The following DGCR2 variants were observed in gnomAD, a reference collection of about 807,000 sequenced individuals.
The protein encoded by DGCR2 is integral membrane protein DGCR2/IDD.
In DGCR2, 24 loss-of-function variants were observed where a neutral mutation model predicts 51.6. That is an observed-to-expected ratio of 0.47 (90% CI 0.34 to 0.65). DGCR2 has a LOEUF of 0.65. Among genes scored for constraint, DGCR2 ranks in the 30% least tolerant of loss-of-function variants. DGCR2 has a pLI of 0.01. For synonymous variants in DGCR2, 340 were observed against 315.4 expected, an observed-to-expected ratio of 1.08 and a Z score of -0.82; for missense variants, 765 against 772.1, an observed-to-expected ratio of 0.99 and a Z score of 0.11.
chr22:19,076,303 G>A (rs1601240285), intron 2 of DGCR2, among the ~76,000 whole-genome samples: 1 of 149,954 alleles, frequency 6.7e-6, no homozygotes, highest in Non-Finnish European at 1.5e-5. Flanking sequence ...TGGGATTACA[G>A]GCATGCATCA....
chr22:19,051,770 T>C (rs865791311), intron 6 of DGCR2, among the ~76,000 whole-genome samples: 3 of 152,182 alleles, frequency 2.0e-5, no homozygotes, highest in South Asian at 4.1e-4. Flanking sequence ...GGAAGAATAA[T>C]GTGAACAACA....
At chr22:19,074,695 AT>A (rs1207254887) in intron 2 of DGCR2, among the ~76,000 whole-genome samples, 4 of 152,260 alleles carry the variant, frequency 2.6e-5, no homozygotes, top group African/African-American at 9.6e-5. Flanking sequence ...GACTTACAGA[AT>A]CATTTGAATA....
At chr22:19,083,740 CTCTT>C in intron 2 of DGCR2, among the ~76,000 whole-genome samples, 1 of 137,480 alleles carries the variant, frequency 7.3e-6, no homozygotes, top group African/African-American at 2.6e-5. Flanking sequence ...CCCTCTCCCT[CTCTT>C]TCCACGGTCT....
chr22:19,111,700 T>C (rs1280433081), intron 1 of DGCR2, among the ~76,000 whole-genome samples: 1 of 151,956 alleles, frequency 6.6e-6, no homozygotes, highest in Non-Finnish European at 1.5e-5. Flanking sequence ...CCAAAGACTA[T>C]CAGAGCACGA....
intron 7 of DGCR2, among the ~76,000 whole-genome samples, chr22:19,045,001 T>G (rs2082473365): frequency 6.6e-6 from 1 of 152,268 alleles, no homozygotes; most frequent in Non-Finnish European, 1.5e-5. Flanking sequence ...TGTCTGTTTT[T>G]TTTAAGGATC....
At chr22:19,085,105 GA>G (rs111548476) in intron 2 of DGCR2, among the ~76,000 whole-genome samples, 90 of 137,562 alleles carry the variant, frequency 6.5e-4, no homozygotes, top group Middle Eastern at 7.5e-3. Context: ...TCCTGCCTTG[GA>G]AAAAAAAAAA....
chr22:19,082,045 G>GT (rs1417175305), intron 2 of DGCR2, among the ~76,000 whole-genome samples: 1 of 138,470 alleles, frequency 7.2e-6, no homozygotes, highest in Non-Finnish European at 1.6e-5. Context: ...CTTTACTGGT[G>GT]TTTTTTGGGG....
chr22:19,121,210 C>T (rs1464904027), intron 1 of DGCR2, among the ~76,000 whole-genome samples: 1 of 152,146 alleles, frequency 6.6e-6, no homozygotes, highest in African/African-American at 2.4e-5. Flanking sequence ...AAGAGTCATG[C>T]TTTTTCACTG....
chr22:19,055,975 G>T, intron 6 of DGCR2: 1 of 156,558 alleles, frequency 6.4e-6, no homozygotes, highest in South Asian at 2.0e-4. Flanking sequence ...AAGGTGTGGT[G>T]GTGGTCATGG....
chr22:19,057,310 CT>C lies in DGCR2; in HGVS notation c.626-149del. 1.1e-6 allele frequency: 1 copy of C among 921,714 alleles called. No individual in the cohort carries two copies. Among genetic ancestry groups the C allele is most frequent in the Non-Finnish European group, 1.6e-6 (1 of 635,110 alleles). 57.1% of individuals were successfully genotyped at this position (921,714 alleles called of 1,614,324 possible). A position where few individuals can be genotyped will look rare whatever the true frequency, so the allele number is the denominator to read the frequency against. ...GGTGGTCACTGTGGCCAGGTGTTCA[CT>C]CGGGACTCCCCAACCTCCTGGGAGT... On this transcript the variant is annotated intron_variant, in intron 5 of 9. Transcript: ENST00000263196. The surrounding 1 kb of genome is among the most constrained non-coding windows in gnomAD (Gnocchi z 5.1).
intron 5 of DGCR2, among the ~76,000 whole-genome samples, chr22:19,059,861 C>T (rs1351602194): frequency 2.0e-5 from 3 of 152,126 alleles, no homozygotes; most frequent in Non-Finnish European, 2.9e-5. Flanking sequence ...ATGTCCACCG[C>T]TGCTCGCCGA....
In DGCR2 at chr22:19,084,839, C is replaced by T. The variant is rs1445998934; in HGVS notation, c.202+4529G>A. On this transcript the variant is annotated intron_variant, in intron 2 of 9. Transcript: ENST00000263196. ...GGCGCCTCCGCCCGGCCAGCCGCCCCGTCCGGGAGGTGGGGGGCGCCTCTG... is the reference window on the plus strand; with the variant it reads ...GGCGCCTCCGCCCGGCCAGCCGCCCTGTCCGGGAGGTGGGGGGCGCCTCTG... Among the ~76,000 whole-genome samples the T allele has an allele frequency of 4.8e-4, 72 of 151,070 alleles. 1 individual carries two copies. The highest frequency in any genetic ancestry group is 1.6e-3 in the African/African-American group (67 of 41,194).
intron 2 of DGCR2, among the ~76,000 whole-genome samples, chr22:19,084,608 C>T (rs1393517901): frequency 2.0e-5 from 3 of 150,828 alleles, no homozygotes; most frequent in African/African-American, 4.9e-5. Flanking sequence ...GCCCGGCAGC[C>T]GCCCCGTCTG....
intron 6 of DGCR2, among the ~76,000 whole-genome samples, chr22:19,050,065 A>G (rs1202347979): frequency 2.0e-5 from 3 of 152,244 alleles, no homozygotes; most frequent in Admixed American, 6.5e-5. Flanking sequence ...TTAGTCGAAG[A>G]ACTAACAGCT....
At chr22:19,081,267 GT>G (rs1484852998) in intron 2 of DGCR2, among the ~76,000 whole-genome samples, 1 of 152,148 alleles carries the variant, frequency 6.6e-6, no homozygotes, top group Non-Finnish European at 1.5e-5. Context: ...GCTTCTCCCA[GT>G]CTTATATCCC....
chr22:19,063,343 T>C (rs953355847), intron 4 of DGCR2, 65 bp from the exon 5 acceptor site: 19 of 1,507,566 alleles, frequency 1.3e-5, no homozygotes, highest in Non-Finnish European at 1.7e-5. Context: ...TCAATGACTG[T>C]GTGTTTTTTG....
At chr22:19,068,033 G>A (rs2082769071) in intron 3 of DGCR2, 67 bp downstream of exon 3, 4 of 1,479,180 alleles carry the variant, frequency 2.7e-6, no homozygotes, top group Admixed American at 2.4e-5. Context: ...CAGTAGTGCT[G>A]GAAAGGCAGG....
At chr22:19,043,104 A>G (rs1323685765) in intron 7 of DGCR2, among the ~76,000 whole-genome samples, 1 of 152,236 alleles carries the variant, frequency 6.6e-6, no homozygotes, top group African/African-American at 2.4e-5. Context: ...AGGAGGGGCC[A>G]TGAAGCTTGA....
intron 9 of DGCR2, among the ~76,000 whole-genome samples, chr22:19,040,633 C>A (rs931050046): frequency 6.6e-6 from 1 of 152,220 alleles, no homozygotes; most frequent in Non-Finnish European, 1.5e-5. Context: ...CCTCCTGACA[C>A]GACAGGAGGG....
Sources: allele counts gnomAD v4.1 joint callset (sites outside exome capture counted in the v4.1 genomes callset), GRCh38; gene constraint gnomAD v4.1.1; non-coding constraint Gnocchi (gnomAD v3.1); transcripts MANE v1.5; gene names NCBI Gene and HGNC (gene_info 2026-07-23, HGNC 2026-07-21).